The following CAMK1D variants were observed in gnomAD, a reference collection of about 807,000 sequenced individuals.
CAMK1D encodes calcium/calmodulin dependent protein kinase ID, also known as calcium/calmodulin-dependent protein kinase type 1D.
A neutral mutation model predicts 47.7 loss-of-function variants in CAMK1D; 9 were observed. The observed-to-expected ratio is 0.19, with a 90% CI of 0.11 to 0.33. The LOEUF is 0.33. CAMK1D is among the 10% of genes least tolerant of loss of function. The pLI is 1.00. For synonymous variants in CAMK1D, 184 were observed against 184.9 expected (o/e 0.99, Z 0.04); for missense variants, 291 against 488.7 (o/e 0.60, Z 3.81).
intron 1 of CAMK1D, among the ~76,000 whole-genome samples, chr10:12,447,789 T>C (rs549528604): frequency 6.6e-6 from 1 of 151,576 alleles, no homozygotes; most frequent in East Asian, 2.0e-4. Flanking sequence ...CTCAGCCTCC[T>C]GAGTAACGAG....
chr10:12,787,797 C>T (rs550543273), intron 5 of CAMK1D, among the ~76,000 whole-genome samples: 123 of 152,154 alleles, frequency 8.1e-4, no homozygotes, highest in African/African-American at 2.7e-3. Flanking sequence ...GTCAGGAGTT[C>T]GAGACCACCC....
chr10:12,597,145 T>G (rs1363105269), intron 2 of CAMK1D, among the ~76,000 whole-genome samples: 1 of 152,024 alleles, frequency 6.6e-6, no homozygotes, highest in African/African-American at 2.4e-5. Context: ...ACTTCTTGCC[T>G]CCCTAGGTTT....
At position 12,566,735 on chromosome 10, in the gene CAMK1D, G is replaced by T. The variant is rs74981836; in HGVS notation, c.224+13379G>T. On this transcript the variant is annotated intron_variant, in intron 2 of 10. Coordinates refer to ENST00000619168, the MANE Select transcript of CAMK1D (RefSeq NM_153498.4). ...GCAGAGCCTCTTTCAGGAGAATGCG[G>T]GAAAGTAACTCTTCCTCATCTTGCA... Among the ~76,000 whole-genome samples, 1,152 of 152,266 alleles carry T rather than the reference G, an allele frequency of 7.6e-3. 34 individuals are homozygous for T. In the East Asian group the frequency reaches 0.081, roughly 11 times the overall value.
At chr10:12,599,575 TC>T (rs1366147366) in intron 2 of CAMK1D, among the ~76,000 whole-genome samples, 1 of 152,182 alleles carries the variant, frequency 6.6e-6, no homozygotes, top group Non-Finnish European at 1.5e-5. Flanking sequence ...TTTCTTTTTG[TC>T]CCCTTTTAGA....
chr10:12,760,585 A>T (rs766404748), intron 3 of CAMK1D: 35 of 187,490 alleles, frequency 1.9e-4, no homozygotes, highest in Non-Finnish European at 3.5e-4. Flanking sequence ...ATACTGTCTC[A>T]TGCAAAGGAG....
intron 3 of CAMK1D, among the ~76,000 whole-genome samples, chr10:12,741,760 G>T (rs527748928): frequency 4.6e-5 from 7 of 152,250 alleles, no homozygotes; most frequent in Admixed American, 1.3e-4. Context: ...GAGAGGGCCA[G>T]GGAAGGGAAT....
At chr10:12,407,239 C>T (rs1014420242) in intron 1 of CAMK1D, among the ~76,000 whole-genome samples, 23 of 152,228 alleles carry the variant, frequency 1.5e-4, no homozygotes, top group Admixed American at 3.9e-4. Flanking sequence ...CCTGGCAGGG[C>T]GGGCAGAGCC....
chr10:12,484,570 A>G (rs1312318920), intron 1 of CAMK1D, among the ~76,000 whole-genome samples: 1 of 152,196 alleles, frequency 6.6e-6, no homozygotes, highest in Non-Finnish European at 1.5e-5. Context: ...AGCTGAGCTT[A>G]CTTGTTCTTC....
chr10:12,511,565 C>T (rs534631510), intron 1 of CAMK1D, among the ~76,000 whole-genome samples: 32 of 152,244 alleles, frequency 2.1e-4, no homozygotes, highest in Non-Finnish European at 3.7e-4. Context: ...GAGTGGTGAT[C>T]GCTCCACCAC....
chr10:12,432,990 T>A (rs1421976651), intron 1 of CAMK1D, among the ~76,000 whole-genome samples: 1 of 152,228 alleles, frequency 6.6e-6, no homozygotes, highest in Non-Finnish European at 1.5e-5. Flanking sequence ...TCACTGTCCC[T>A]GAGCCAGCTC....
intron 1 of CAMK1D, among the ~76,000 whole-genome samples, chr10:12,508,735 G>C (rs1459643160): frequency 6.6e-6 from 1 of 152,130 alleles, no homozygotes; most frequent in African/African-American, 2.4e-5. Flanking sequence ...TCCCCATCCT[G>C]AGGCCTCTCT....
chr10:12,379,386 A>G (rs1838277336), intron 1 of CAMK1D, among the ~76,000 whole-genome samples: 1 of 152,212 alleles, frequency 6.6e-6, no homozygotes, highest in Non-Finnish European at 1.5e-5. Context: ...TGAGGTTTTC[A>G]TGAGATAAAT....
At chr10:12,452,201 AGAT>A (rs945435939) in intron 1 of CAMK1D, among the ~76,000 whole-genome samples, 6 of 152,186 alleles carry the variant, frequency 3.9e-5, no homozygotes, top group African/African-American at 1.4e-4. Flanking sequence ...TTAATGGAGC[AGAT>A]GATTGCATTG....
chr10:12,760,756 G>A lies in CAMK1D; in HGVS notation c.300-192G>A, dbSNP rs544358795. On this transcript the variant is annotated intron_variant, in intron 3 of 10. Coordinates refer to ENST00000619168, the MANE Select transcript of CAMK1D (RefSeq NM_153498.4). Reference sequence around the variant, plus strand: ...TGTTTTTTTAAATTTCCTTTACTTGGTTCCAGACATTTGCTCTGCTGTGAC... The same window carrying A: ...TGTTTTTTTAAATTTCCTTTACTTGATTCCAGACATTTGCTCTGCTGTGAC... Among the ~76,000 whole-genome samples the A allele has an allele frequency of 7.8e-4, 119 of 152,230 alleles. 1 individual carries two copies. Among genetic ancestry groups the A allele is most frequent in the South Asian group, 5.0e-3 (24 of 4,820 alleles).
At chr10:12,448,289 T>C (rs1832981371) in intron 1 of CAMK1D, among the ~76,000 whole-genome samples, 1 of 152,084 alleles carries the variant, frequency 6.6e-6, no homozygotes, top group African/African-American at 2.4e-5. Flanking sequence ...CCTCCCAAAG[T>C]GTTGGGATTA....
At chr10:12,379,255 C>T (rs1018274733) in intron 1 of CAMK1D, among the ~76,000 whole-genome samples, 4 of 152,194 alleles carry the variant, frequency 2.6e-5, no homozygotes, top group Non-Finnish European at 4.4e-5. Flanking sequence ...ACGAATATAA[C>T]GCTGTTTTGG....
chr10:12,718,803 C>G (rs1488717960), intron 3 of CAMK1D, among the ~76,000 whole-genome samples: 1 of 152,058 alleles, frequency 6.6e-6, no homozygotes, highest in Non-Finnish European at 1.5e-5. Flanking sequence ...TTCTTTTTCT[C>G]TCTACTAACC....
chr10:12,756,189 G>T (rs903761575), intron 3 of CAMK1D, among the ~76,000 whole-genome samples: 7 of 152,200 alleles, frequency 4.6e-5, no homozygotes, highest in Admixed American at 4.6e-4. Flanking sequence ...CCTGCTTCCA[G>T]CATTAGCAGA....
At chr10:12,712,744 GAC>G (rs1396946539) in intron 3 of CAMK1D, among the ~76,000 whole-genome samples, 4 of 152,122 alleles carry the variant, frequency 2.6e-5, no homozygotes, top group Non-Finnish European at 4.4e-5. Context: ...GGGTAGGGGA[GAC>G]TAACATTCAG....
Sources: allele counts gnomAD v4.1 joint callset (sites outside exome capture counted in the v4.1 genomes callset), GRCh38; gene constraint gnomAD v4.1.1; transcripts MANE v1.5; gene names NCBI Gene and HGNC (gene_info 2026-07-23, HGNC 2026-07-21).